Variants in CERT1 observed in about 807,000 individuals in gnomAD.
CERT1 encodes the protein ceramide transfer protein.
A neutral mutation model predicts 87.9 loss-of-function variants in CERT1; 31 were observed. The observed-to-expected ratio is 0.35, with a 90% CI of 0.27 to 0.48. The LOEUF is 0.48. Ranked by LOEUF, CERT1 falls within the 20% of genes least tolerant of loss-of-function variation. CERT1 has a pLI of 0.99. For missense variants in CERT1, 487 were observed against 758.0 expected (o/e 0.64, Z 4.20); for synonymous variants, 289 against 250.9 (o/e 1.15, Z -1.44).
intron 2 of CERT1, among the ~76,000 whole-genome samples, chr5:75,476,696 T>A (rs186374129): frequency 6.6e-6 from 1 of 152,208 alleles, no homozygotes; most frequent in Non-Finnish European, 1.5e-5. Flanking sequence ...TGATAACTTG[T>A]TGGATATATC....
chr5:75,468,134 A>G (rs1287250233), intron 2 of CERT1, among the ~76,000 whole-genome samples: 2 of 152,234 alleles, frequency 1.3e-5, no homozygotes, highest in Non-Finnish European at 2.9e-5. Flanking sequence ...AAGAAGGCAG[A>G]GCCAGATGGA....
At chr5:75,452,151 GA>G (rs1764793577) in intron 3 of CERT1, among the ~76,000 whole-genome samples, 1 of 152,154 alleles carries the variant, frequency 6.6e-6, no homozygotes, top group African/African-American at 2.4e-5. Flanking sequence ...CAAAGGGTAA[GA>G]ACAATTCCAC....
intron 2 of CERT1, among the ~76,000 whole-genome samples, chr5:75,460,116 A>G (rs887201136): frequency 2.6e-5 from 4 of 151,970 alleles, no homozygotes; most frequent in African/African-American, 9.7e-5. Flanking sequence ...AAGCATATAT[A>G]TTTTTTAAGG....
intron 3 of CERT1, among the ~76,000 whole-genome samples, chr5:75,441,045 C>T: frequency 6.6e-6 from 1 of 152,082 alleles, no homozygotes; most frequent in East Asian, 1.9e-4. Flanking sequence ...TAAAATGTGT[C>T]ACAACAGTAT....
chr5:75,426,501 T>C (rs1163588741), intron 3 of CERT1, 23 bp from the exon 4 acceptor site: 3 of 1,504,218 alleles, frequency 2.0e-6, no homozygotes, highest in East Asian at 2.3e-5. Flanking sequence ...GTAAACTATG[T>C]GAAAAGAATT....
At chr5:75,466,368 G>A (rs904689694) in intron 2 of CERT1, among the ~76,000 whole-genome samples, 3 of 152,178 alleles carry the variant, frequency 2.0e-5, no homozygotes, top group Admixed American at 6.5e-5. Flanking sequence ...ATACCTCAGA[G>A]ATGCCAGTAC....
At chr5:75,461,461 G>A (rs72633969) in intron 2 of CERT1, among the ~76,000 whole-genome samples, 18,969 of 151,934 alleles carry the variant, frequency 0.12, 1,302 homozygotes, top group East Asian at 0.23. Context: ...AAAAAGATTG[G>A]GAAATGCTAA....
intron 8 of CERT1, among the ~76,000 whole-genome samples, chr5:75,404,417 C>T (rs1237407469): frequency 2.6e-5 from 4 of 151,686 alleles, no homozygotes; most frequent in Non-Finnish European, 4.4e-5. Context: ...ACAAGAGGGT[C>T]ATGAAAAAAT....
chr5:75,447,153 C>G (rs1380753831), intron 3 of CERT1, among the ~76,000 whole-genome samples: 1 of 152,196 alleles, frequency 6.6e-6, no homozygotes, highest in Admixed American at 6.5e-5. Context: ...GTGTTAAGAG[C>G]TGAAATTAAC....
At position 75,468,950 on chromosome 5, in the gene CERT1, C is replaced by A. The variant is rs568342092; in HGVS notation, c.232-9769G>T. On this transcript the variant is annotated intron_variant, in intron 2 of 16. Transcript: ENST00000643780. ...GACCTTATCAAACAGACAAAATAAA[C>A]TTCCAATGACAAACCCAAAAGAGAT... is the stretch of plus-strand genomic sequence containing the variant. Among the ~76,000 whole-genome samples, 55 of 152,286 alleles carry A rather than the reference C, an allele frequency of 3.6e-4. 1 individual carries two copies. The South Asian group carries it at 0.011, about 31-fold the overall frequency.
chr5:75,417,341 G>C (rs554617981), intron 6 of CERT1, among the ~76,000 whole-genome samples: 16 of 152,046 alleles, frequency 1.1e-4, no homozygotes, highest in Non-Finnish European at 2.2e-4. Context: ...TGACAGCTTA[G>C]AGTAGGACCT....
In CERT1 at chr5:75,378,789, C is replaced by G. The variant is rs1048940262; in HGVS notation, c.*557G>C. 1 of 152,144 alleles carries G rather than the reference C, an allele frequency of 6.6e-6. No homozygotes were observed. The highest frequency in any genetic ancestry group is 2.4e-5 in the African/African-American group (1 of 41,416). 9.4% of individuals were successfully genotyped at this position (152,144 alleles called of 1,614,324 possible). ...GAAAGAATACAGGAAGTTTGCACTT[C>G]TACAATTCTACAGTTCTATAATATC... On this transcript the variant is annotated 3_prime_UTR_variant, in exon 17 of 17. Transcript: ENST00000643780.
At chr5:75,411,318 T>TGTAC (rs1762927758) in intron 7 of CERT1, among the ~76,000 whole-genome samples, 1 of 152,100 alleles carries the variant, frequency 6.6e-6, no homozygotes. Flanking sequence ...TATGTATGTA[T>TGTAC]GTATGTATTT....
chr5:75,387,529 G>A (rs1761844966), intron 12 of CERT1, among the ~76,000 whole-genome samples: 1 of 151,886 alleles, frequency 6.6e-6, no homozygotes, highest in South Asian at 2.1e-4. Context: ...ATCACCTGAG[G>A]TCAGGAGTTC....
intron 7 of CERT1, among the ~76,000 whole-genome samples, chr5:75,416,292 C>G (rs1763131839): frequency 6.6e-6 from 1 of 152,112 alleles, no homozygotes; most frequent in African/African-American, 2.4e-5. Context: ...TATTCTAAAG[C>G]TGAATTATAA....
intron 6 of CERT1, among the ~76,000 whole-genome samples, chr5:75,418,579 C>T (rs73763097): frequency 0.079 from 12,070 of 152,020 alleles, 586 homozygotes; most frequent in South Asian, 0.17. Context: ...AAACTGTAAC[C>T]GACCCAAATG....
intron 11 of CERT1, 144 bp from the exon 12 acceptor site, chr5:75,389,831 T>C (rs1012542667): frequency 1.6e-5 from 10 of 622,156 alleles, no homozygotes; most frequent in African/African-American, 3.7e-5. Flanking sequence ...AGGTTTTACA[T>C]AGTGTTTGAA....
Position 75,510,781 on chromosome 5 carries a change from G to A in CERT1, c.96+331C>T, listed in dbSNP as rs568686161. ...CCGACTTGAACCGCTCCCATGCCCA[G>A]TCGTTCGGACACCGCTGAAGCCCAA... On this transcript the variant is annotated intron_variant, in intron 1 of 16. Transcript: ENST00000643780. Among the ~76,000 whole-genome samples the A allele has an allele frequency of 3.9e-5, 6 of 152,262 alleles. No individual in the cohort carries two copies. The South Asian group carries it at 1.2e-3, about 32-fold the overall frequency.
At chr5:75,402,929 G>A (rs1378030591) in intron 9 of CERT1, 43 bp downstream of exon 9, 2 of 1,241,696 alleles carry the variant, frequency 1.6e-6, no homozygotes, top group Non-Finnish European at 2.4e-6. Flanking sequence ...TGCCTATAGT[G>A]TTAAAATAAA....
Sources: allele counts gnomAD v4.1 joint callset (sites outside exome capture counted in the v4.1 genomes callset), GRCh38; gene constraint gnomAD v4.1.1; transcripts MANE v1.5; gene names NCBI Gene and HGNC (gene_info 2026-07-23, HGNC 2026-07-21).